Variants in TMEM178B observed in about 807,000 individuals in gnomAD.
TMEM178B encodes transmembrane protein 178B.
Under a neutral mutation model 31.0 loss-of-function variants are expected in TMEM178B, and 5 were observed. That is an observed-to-expected ratio of 0.16 (90% CI 0.08 to 0.34). TMEM178B has a LOEUF of 0.34. TMEM178B is among the 10% of genes least tolerant of loss of function. The pLI, the probability that TMEM178B is intolerant of heterozygous loss-of-function variation, is 1.00. For missense variants in TMEM178B, 275 were observed against 400.3 expected, an observed-to-expected ratio of 0.69 and a Z score of 2.67; for synonymous variants, 164 against 164.0, an observed-to-expected ratio of 1.00 and a Z score of 0.00.
Position 141,318,556 on chromosome 7 carries a change from T to C in TMEM178B, c.496+105852T>C, listed in dbSNP as rs973585156. Among the ~76,000 whole-genome samples, 2 of 152,214 alleles carry C rather than the reference T, an allele frequency of 1.3e-5. No homozygotes were observed. Among genetic ancestry groups the C allele is most frequent in the African/African-American group, 4.8e-5 (2 of 41,454 alleles). On this transcript the variant is annotated intron_variant, in intron 2 of 3. Transcript: ENST00000565468. This position sits in a 1 kb window ranked among gnomAD's most constrained non-coding sequence, Gnocchi z 4.1. ...TTTGTCACTCAATGAGAAATAAAGATGTATTGGAGACTAAAATATTCCTCA... is the reference window on the plus strand; with the variant it reads ...TTTGTCACTCAATGAGAAATAAAGACGTATTGGAGACTAAAATATTCCTCA...
chr7:141,438,170 A>G (rs114169968), intron 3 of TMEM178B, among the ~76,000 whole-genome samples: 3,810 of 152,216 alleles, frequency 0.025, 160 homozygotes, highest in African/African-American at 0.087. Flanking sequence ...CCAAAAGTCT[A>G]TCTTCACCTC....
chr7:141,105,834 C>T (rs1795135866), intron 1 of TMEM178B, among the ~76,000 whole-genome samples: 1 of 152,096 alleles, frequency 6.6e-6, no homozygotes, highest in African/African-American at 2.4e-5. Context: ...GTGGCTCATG[C>T]CTGTAATCCC....
At chr7:141,424,083 G>C (rs2116657280) in intron 2 of TMEM178B, among the ~76,000 whole-genome samples, 1 of 151,918 alleles carries the variant, frequency 6.6e-6, no homozygotes, top group East Asian at 1.9e-4. Context: ...CTCCCAAAAT[G>C]CTGGGATTAC....
chr7:141,428,844 T>G (rs1801369512), intron 2 of TMEM178B, among the ~76,000 whole-genome samples: 1 of 152,224 alleles, frequency 6.6e-6, no homozygotes, highest in Admixed American at 6.5e-5. Context: ...GTTCTAAAAC[T>G]TGCCTTGGTC....
chr7:141,349,959 C>CCATG (rs1247580105), intron 2 of TMEM178B, among the ~76,000 whole-genome samples: 5 of 110,898 alleles, frequency 4.5e-5, no homozygotes, highest in Non-Finnish European at 8.0e-5. Flanking sequence ...ATCCATGCAT[C>CCATG]CATCCATCCA....
intron 2 of TMEM178B, among the ~76,000 whole-genome samples, chr7:141,369,054 AC>A (rs1189383358): frequency 6.6e-6 from 1 of 152,114 alleles, no homozygotes; most frequent in Non-Finnish European, 1.5e-5. Flanking sequence ...TTCCCAGTAG[AC>A]TTGTCAGTAG....
chr7:141,127,164 A>C (rs987885191), intron 1 of TMEM178B, among the ~76,000 whole-genome samples: 7 of 152,244 alleles, frequency 4.6e-5, no homozygotes, highest in African/African-American at 1.7e-4. Flanking sequence ...TGGTTCTCTT[A>C]GCCCCTTTCT....
intron 1 of TMEM178B, among the ~76,000 whole-genome samples, chr7:141,205,017 G>T (rs1412982297): frequency 6.6e-6 from 1 of 151,964 alleles, no homozygotes; most frequent in African/African-American, 2.4e-5. Context: ...ATAGAGACGG[G>T]GTCTCACTCT....
intron 2 of TMEM178B, chr7:141,352,505 A>G (rs1331285937): frequency 6.6e-6 from 1 of 151,586 alleles, no homozygotes; most frequent in East Asian, 2.0e-4. Context: ...AGCCCTCCTG[A>G]GTAGCTGGGA....
intron 1 of TMEM178B, among the ~76,000 whole-genome samples, chr7:141,154,611 A>C (rs781350073): frequency 2.6e-5 from 4 of 152,124 alleles, no homozygotes; most frequent in Non-Finnish European, 5.9e-5. Context: ...TCCTTTCTCC[A>C]TGGAAAGGCG....
rs545934306 is a variant in TMEM178B at position 141,085,300 on chromosome 7, T to C, written c.382+10608T>C. Among the ~76,000 whole-genome samples the C allele has an allele frequency of 1.1e-4, 16 of 151,966 alleles. No individual in the cohort carries two copies. The South Asian group carries it at 1.5e-3, about 14-fold the overall frequency. ...GTGTGAGCCACCATGCCTGGCCTATTTTTTGTAAATTTGTATGCACAGAGA... is the reference window on the plus strand; with the variant it reads ...GTGTGAGCCACCATGCCTGGCCTATCTTTTGTAAATTTGTATGCACAGAGA... On this transcript the variant is annotated intron_variant, in intron 1 of 3. Coordinates refer to ENST00000565468, the MANE Select transcript of TMEM178B (RefSeq NM_001195278.2).
intron 2 of TMEM178B, among the ~76,000 whole-genome samples, chr7:141,378,674 T>C (rs371473153): frequency 2.8e-4 from 43 of 152,354 alleles, no homozygotes; most frequent in African/African-American, 9.6e-4. Flanking sequence ...CCTGCAGATC[T>C]GTTCCAGGCT....
chr7:141,384,885 A>G (rs1800401770), intron 2 of TMEM178B, among the ~76,000 whole-genome samples: 1 of 151,608 alleles, frequency 6.6e-6, no homozygotes, highest in Admixed American at 6.6e-5. Flanking sequence ...TAGAGATCTC[A>G]CTGATCTAGT....
the TMEM178B span, among the ~76,000 whole-genome samples, chr7:141,510,633 C>T: frequency 8.3e-6 from 1 of 120,484 alleles, no homozygotes; most frequent in Non-Finnish European, 1.6e-5. Context: ...TGCGGTGAGC[C>T]AAGAACGCAC....
chr7:141,295,515 C>T (rs957060364), intron 2 of TMEM178B, among the ~76,000 whole-genome samples: 1 of 152,104 alleles, frequency 6.6e-6, no homozygotes, highest in African/African-American at 2.4e-5. Flanking sequence ...TTCATGAGTG[C>T]ATTTAGCTCA....
intron 1 of TMEM178B, among the ~76,000 whole-genome samples, chr7:141,148,760 A>G (rs1795901706): frequency 6.6e-6 from 1 of 152,230 alleles, no homozygotes; most frequent in Non-Finnish European, 1.5e-5. Context: ...GCAATCAATC[A>G]GTCACATGGT....
intron 2 of TMEM178B, among the ~76,000 whole-genome samples, chr7:141,333,407 C>T (rs888397167): frequency 2.0e-5 from 3 of 152,156 alleles, no homozygotes; most frequent in Non-Finnish European, 1.5e-5. Flanking sequence ...CCAAATGCTC[C>T]CACACAATCA....
intron 2 of TMEM178B, among the ~76,000 whole-genome samples, chr7:141,399,624 A>C (rs1447902297): frequency 6.6e-6 from 1 of 152,184 alleles, no homozygotes; most frequent in African/African-American, 2.4e-5. Flanking sequence ...TTGCAGAACA[A>C]GTCATTTCAC....
chr7:141,140,112 G>A lies in TMEM178B; in HGVS notation c.382+65420G>A, dbSNP rs540419816. ...AGCCTGTAGCATCAAGGTCTTGAGC[G>A]TCTGGCGCTTGCATACCCCCTCAGC... On this transcript the variant is annotated intron_variant, in intron 1 of 3. Coordinates refer to ENST00000565468, the MANE Select transcript of TMEM178B (RefSeq NM_001195278.2). 5.7e-4 allele frequency among the ~76,000 whole-genome samples: 87 copies of A among 152,266 alleles called. 1 individual carries two copies. The South Asian group carries it at 0.013, about 23-fold the overall frequency.
Sources: gnomAD v4.1 joint callset for allele counts (sites outside exome capture counted in the v4.1 genomes callset) on GRCh38, gnomAD v4.1.1 for gene constraint, Gnocchi (gnomAD v3.1) non-coding constraint, MANE v1.5 for transcripts, NCBI Gene and HGNC (gene_info 2026-07-23, HGNC 2026-07-21) for gene names.